Variants in SLC9B2 observed in about 807,000 individuals in gnomAD.
SLC9B2 encodes the protein solute carrier family 9 member B2.
A neutral mutation model predicts 52.2 loss-of-function variants in SLC9B2; 39 were observed. The ratio of observed to expected loss-of-function variants is 0.75; its 90% CI spans 0.58 to 0.98. The LOEUF (loss-of-function observed/expected upper bound fraction) is 0.98, where lower values mean the gene tolerates loss of function less well. Ranked by LOEUF, SLC9B2 falls within the 50% of genes least tolerant of loss-of-function variation. SLC9B2 has a pLI of 0.00. For missense variants in SLC9B2, 626 were observed against 637.5 expected (o/e 0.98, Z 0.19); for synonymous variants, 214 against 227.0 (o/e 0.94, Z 0.51).
At chr4:103,073,346 G>T (rs888746576) in intron 1 of SLC9B2, among the ~76,000 whole-genome samples, 2 of 152,050 alleles carry the variant, frequency 1.3e-5, no homozygotes, top group African/African-American at 4.8e-5. Context: ...GAACGTATAG[G>T]TTCTCAGTCT....
intron 9 of SLC9B2, among the ~76,000 whole-genome samples, chr4:103,037,414 C>G (rs1346716962): frequency 6.6e-6 from 1 of 152,108 alleles, no homozygotes; most frequent in African/African-American, 2.4e-5. Context: ...ATTGACAATG[C>G]TAAAATGAGG....
chr4:103,026,274 T>C lies in SLC9B2; in HGVS notation c.*96A>G. The C allele has an allele frequency of 8.5e-7, 1 of 1,174,182 alleles. No individual in the cohort carries two copies. The highest frequency in any genetic ancestry group is 1.2e-6 in the Non-Finnish European group (1 of 832,910). The allele number at this position is 1,174,182 out of a possible 1,614,324, so 72.7% of individuals were successfully genotyped here. On this transcript the variant is annotated 3_prime_UTR_variant, in exon 12 of 12. Transcript: ENST00000394785. ...AGAAACAGCTACACTTTTGGTTCTA[T>C]TACATTTTAAGCTTAAACATTACAT...
At chr4:103,050,728 A>G (rs1021080093) in intron 4 of SLC9B2, among the ~76,000 whole-genome samples, 1 of 152,276 alleles carries the variant, frequency 6.6e-6, no homozygotes, top group Non-Finnish European at 1.5e-5. Context: ...CAAACAGCGC[A>G]TGAAATTATT....
intron 7 of SLC9B2, among the ~76,000 whole-genome samples, chr4:103,045,908 T>A (rs780377345): frequency 6.6e-6 from 1 of 152,176 alleles, no homozygotes; most frequent in South Asian, 2.1e-4. Context: ...TAAAGGTATA[T>A]ACCAGGAAAG....
chr4:103,073,772 A>G (rs1221825957), intron 1 of SLC9B2, among the ~76,000 whole-genome samples: 1 of 152,222 alleles, frequency 6.6e-6, no homozygotes, highest in Non-Finnish European at 1.5e-5. Context: ...AGTGAAATAT[A>G]CTTACTAAAA....
At chr4:103,072,341 G>A (rs1414259341) in intron 1 of SLC9B2, among the ~76,000 whole-genome samples, 2 of 152,164 alleles carry the variant, frequency 1.3e-5, no homozygotes, top group South Asian at 2.1e-4. Context: ...ACAGGCGTGA[G>A]CCACCGCACC....
At chr4:103,020,541 T>C (rs1560536393), downstream of SLC9B2, among the ~76,000 whole-genome samples, 1 of 152,172 alleles carries the variant, frequency 6.6e-6, no homozygotes, top group Non-Finnish European at 1.5e-5. Flanking sequence ...TAAAGTTAAT[T>C]CCTCTACCGG....
At chr4:103,021,723 T>C (rs1741804572), downstream of SLC9B2, among the ~76,000 whole-genome samples, 1 of 152,226 alleles carries the variant, frequency 6.6e-6, no homozygotes, top group African/African-American at 2.4e-5. Context: ...TAGCCAATGA[T>C]CTATTTAGTA....
chr4:103,072,004 C>A (rs1377747537), intron 1 of SLC9B2, among the ~76,000 whole-genome samples: 1 of 149,934 alleles, frequency 6.7e-6, no homozygotes, highest in African/African-American at 2.5e-5. Flanking sequence ...TGAGTAACTG[C>A]CCAGAATCAC....
At position 103,022,841 on chromosome 4, in the gene SLC9B2, G is replaced by C. The variant is rs1741892613; in HGVS notation, c.*3529C>G. ...GATTTGGATGAGGTCATGAGGGTAGGGCCCTCATGCTGTGATTAGAGTACC... is the reference window on the plus strand; with the variant it reads ...GATTTGGATGAGGTCATGAGGGTAGCGCCCTCATGCTGTGATTAGAGTACC... On this transcript the variant is annotated 3_prime_UTR_variant, in exon 12 of 12. Coordinates refer to ENST00000394785, the MANE Select transcript of SLC9B2 (RefSeq NM_178833.7). Among the ~76,000 whole-genome samples the C allele has an allele frequency of 6.6e-6, 1 of 152,080 alleles. No homozygotes were observed. Among genetic ancestry groups the C allele is most frequent in the Admixed American group, 6.5e-5 (1 of 15,276 alleles).
chr4:103,058,821 G>A (rs191195714), intron 3 of SLC9B2, among the ~76,000 whole-genome samples: 1 of 152,112 alleles, frequency 6.6e-6, no homozygotes, highest in Non-Finnish European at 1.5e-5. Flanking sequence ...CATCACTTTA[G>A]GAGGTCAAGG....
At chr4:103,054,895 C>G (rs1022292933) in intron 4 of SLC9B2, among the ~76,000 whole-genome samples, 3 of 152,034 alleles carry the variant, frequency 2.0e-5, no homozygotes, top group Non-Finnish European at 2.9e-5. Context: ...TGGGTATATA[C>G]CCAAAGGATT....
intron 9 of SLC9B2, among the ~76,000 whole-genome samples, chr4:103,043,042 C>T (rs749559001): frequency 5.9e-5 from 9 of 151,590 alleles, no homozygotes; most frequent in Non-Finnish European, 1.0e-4. Flanking sequence ...TGCAATACTC[C>T]GTAGCCATTA....
intron 3 of SLC9B2, among the ~76,000 whole-genome samples, chr4:103,063,839 T>C (rs1745872632): frequency 6.6e-6 from 1 of 151,984 alleles, no homozygotes; most frequent in South Asian, 2.1e-4. Flanking sequence ...CTCAAAAAAC[T>C]CAATAGCAGG....
At position 103,026,372 on chromosome 4, in the gene SLC9B2, A is replaced by G; in HGVS notation, c.1612T>C (p.Ter538GlnextTer2). 1.2e-6 allele frequency: 2 copies of G among 1,608,316 alleles called. No individual in the cohort carries two copies. Among genetic ancestry groups the G allele is most frequent in the Non-Finnish European group, 1.7e-6 (2 of 1,176,816 alleles). The change falls in exon 12 of 12, where the codon TAG becomes CAG. Residue 538 changes from the stop codon to glutamine, a stop_lost. Transcript: ENST00000394785. ...TTCAGCACTCTCTCTTTTCACCTCT[A>G]AACTTGCACAGAAGTCTCTCCTTGA... ...EVQGETSVQV[*>Q]
intron 7 of SLC9B2, 139 bp downstream of exon 7, chr4:103,046,912 G>C (rs1453446861): frequency 1.0e-6 from 1 of 980,520 alleles, no homozygotes; most frequent in Non-Finnish European, 1.5e-6. Flanking sequence ...ACCCTCCTTA[G>C]GTACAGAACT....
At chr4:103,059,322 T>C (rs867533173) in intron 3 of SLC9B2, among the ~76,000 whole-genome samples, 8 of 152,216 alleles carry the variant, frequency 5.3e-5, no homozygotes, top group African/African-American at 1.9e-4. Context: ...AAGATGGAAA[T>C]TCTTGAGGGT....
At chr4:103,050,813 A>G (rs1018090248) in intron 4 of SLC9B2, among the ~76,000 whole-genome samples, 1 of 152,252 alleles carries the variant, frequency 6.6e-6, no homozygotes, top group Non-Finnish European at 1.5e-5. Context: ...AGATAATTTC[A>G]TAAGAGACAG....
chr4:103,047,548 C>A (rs1744278961), intron 6 of SLC9B2, among the ~76,000 whole-genome samples: 1 of 125,506 alleles, frequency 8.0e-6, no homozygotes, highest in African/African-American at 2.9e-5. Context: ...CCCCCCCTCC[C>A]CCCACCCCAC....
Sources: allele counts gnomAD v4.1 joint callset (sites outside exome capture counted in the v4.1 genomes callset), GRCh38; gene constraint gnomAD v4.1.1; transcripts MANE v1.5; gene names NCBI Gene and HGNC (gene_info 2026-07-23, HGNC 2026-07-21).